The following FHIT variants were observed in gnomAD, a reference collection of about 807,000 sequenced individuals.
The protein encoded by FHIT is fragile histidine triad diadenosine triphosphatase.
Under a neutral mutation model 17.9 loss-of-function variants are expected in FHIT, and 19 were observed. The ratio of observed to expected loss-of-function variants is 1.06; its 90% confidence interval spans 0.74 to 1.56. The LOEUF (loss-of-function observed/expected upper bound fraction) is 1.56, where lower values mean the gene tolerates loss of function less well. FHIT is among the 40% of genes most tolerant of loss of function. FHIT has a pLI of 0.00. For missense variants in FHIT, 248 were observed against 189.2 expected, an observed-to-expected ratio of 1.31 and a Z score of -1.82; for synonymous variants, 81 against 69.7, an observed-to-expected ratio of 1.16 and a Z score of -0.81.
At chr3:60,451,236 C>T (rs947715580) in intron 5 of FHIT, among the ~76,000 whole-genome samples, 9 of 152,010 alleles carry the variant, frequency 5.9e-5, no homozygotes, top group Non-Finnish European at 5.9e-5. Context: ...GTTCAGAAAT[C>T]TTTACCCTTT....
chr3:60,254,335 A>T (rs1705873667), intron 5 of FHIT, among the ~76,000 whole-genome samples: 1 of 152,160 alleles, frequency 6.6e-6, no homozygotes, highest in African/African-American at 2.4e-5. Context: ...ATAACTCCAT[A>T]TTTTATCTAA....
At chr3:60,332,105 C>A (rs939220894) in intron 5 of FHIT, among the ~76,000 whole-genome samples, 1 of 152,144 alleles carries the variant, frequency 6.6e-6, no homozygotes, top group Non-Finnish European at 1.5e-5. Flanking sequence ...ATACTAGGTA[C>A]TGTCCTTAGC....
chr3:60,821,227 C>T (rs536978408), intron 4 of FHIT, among the ~76,000 whole-genome samples: 6 of 152,104 alleles, frequency 3.9e-5, no homozygotes, highest in African/African-American at 1.2e-4. Flanking sequence ...CCACCTACCT[C>T]GGCCTCCCAA....
rs1468852175 is a variant in FHIT, at chr3:60,215,361, C to A, written c.104-201209G>T. ...AGGCATGGTGGTGCACACCTGTAAT[C>A]CCAGCTACTAGGGAGGCTGAGGCAG... On this transcript the variant is annotated intron_variant, in intron 5 of 9. Transcript: ENST00000492590. 5.3e-5 allele frequency among the ~76,000 whole-genome samples: 8 copies of A among 152,006 alleles called. No individual in the cohort carries two copies. In the South Asian group the frequency reaches 1.5e-3, roughly 28 times the overall value.
Position 60,999,299 on chromosome 3 carries a change from A to T in FHIT, c.-111+42748T>A, listed in dbSNP as rs564384527. On this transcript the variant is annotated intron_variant, in intron 3 of 9. Transcript: ENST00000492590. ...TTTGAGTAAACTTTCTGAAACAATAATCTACAAAACCAGCTGTGTTTGGTG... is the reference window on the plus strand; with the variant it reads ...TTTGAGTAAACTTTCTGAAACAATATTCTACAAAACCAGCTGTGTTTGGTG... Among the ~76,000 whole-genome samples the T allele has an allele frequency of 3.9e-5, 6 of 152,174 alleles. No individual in the cohort carries two copies. In the South Asian group the frequency reaches 1.2e-3, roughly 32 times the overall value.
chr3:59,766,812 C>T (rs937886423), intron 8 of FHIT, among the ~76,000 whole-genome samples: 2 of 152,118 alleles, frequency 1.3e-5, no homozygotes, highest in East Asian at 1.9e-4. Flanking sequence ...ACAGACAAGA[C>T]GTTGAAAGAA....
chr3:59,911,343 G>A (rs1274667172), intron 8 of FHIT, among the ~76,000 whole-genome samples: 1 of 152,158 alleles, frequency 6.6e-6, no homozygotes, highest in Admixed American at 6.5e-5. Context: ...TTTGAACGTA[G>A]AGGGGATGAC....
chr3:60,806,602 T>C (rs564418721), intron 4 of FHIT, among the ~76,000 whole-genome samples: 2 of 152,344 alleles, frequency 1.3e-5, no homozygotes, highest in South Asian at 4.1e-4. Flanking sequence ...CCATGGTATT[T>C]GTTCATATCT....
intron 4 of FHIT, chr3:60,596,236 G>C (rs1275251286): frequency 6.2e-6 from 1 of 161,424 alleles, no homozygotes; most frequent in African/African-American, 2.4e-5. Flanking sequence ...TACAGTGTTG[G>C]CTTCTTCCCT....
intron 5 of FHIT, among the ~76,000 whole-genome samples, chr3:60,264,401 T>A (rs149040630): frequency 3.8e-4 from 57 of 151,828 alleles, no homozygotes; most frequent in South Asian, 1.0e-3. Context: ...GACCAGTAGC[T>A]AGAAAAGCTA....
chr3:60,856,678 GCTTC>G (rs1703401379), intron 3 of FHIT: 2 of 152,064 alleles, frequency 1.3e-5, no homozygotes, highest in Admixed American at 6.6e-5. Context: ...GCTCACTACT[GCTTC>G]CATGATAAGA....
intron 8 of FHIT, among the ~76,000 whole-genome samples, chr3:59,758,954 A>G (rs1701361712): frequency 6.6e-6 from 1 of 152,060 alleles, no homozygotes; most frequent in Admixed American, 6.6e-5. Context: ...TCATGGATGC[A>G]TGGGAGTCAA....
chr3:60,370,003 G>C (rs76771707), intron 5 of FHIT, among the ~76,000 whole-genome samples: 1 of 152,278 alleles, frequency 6.6e-6, no homozygotes, highest in South Asian at 2.1e-4. Flanking sequence ...AAAGATATTT[G>C]TAACATATCT....
At chr3:60,313,706 T>TC (rs1709046060) in intron 5 of FHIT, among the ~76,000 whole-genome samples, 1 of 142,442 alleles carries the variant, frequency 7.0e-6, no homozygotes, top group East Asian at 2.1e-4. Flanking sequence ...CTTTCAGGCT[T>TC]CCCGGGGGGA....
chr3:60,059,969 G>C (rs1702234252), intron 5 of FHIT, among the ~76,000 whole-genome samples: 1 of 152,132 alleles, frequency 6.6e-6, no homozygotes, highest in African/African-American at 2.4e-5. Flanking sequence ...CATTAACCGT[G>C]CTCCATGAGT....
intron 4 of FHIT, among the ~76,000 whole-genome samples, chr3:60,725,657 G>T (rs1034472105): frequency 1.3e-5 from 2 of 152,000 alleles, no homozygotes; most frequent in Non-Finnish European, 2.9e-5. Context: ...TTTTGCAATT[G>T]GTGTTCTTTT....
chr3:59,851,779 G>C (rs903259926), intron 8 of FHIT, among the ~76,000 whole-genome samples: 4 of 152,158 alleles, frequency 2.6e-5, no homozygotes, highest in Non-Finnish European at 4.4e-5. Flanking sequence ...TATTATGTTA[G>C]TTTCTTCTTG....
chr3:61,211,836 A>G (rs1383989960), intron 1 of FHIT, among the ~76,000 whole-genome samples: 2 of 152,238 alleles, frequency 1.3e-5, no homozygotes, highest in East Asian at 3.8e-4. Context: ...AGACAGCAGC[A>G]TTCGCGGTTC....
chr3:60,080,377 A>G (rs564130282), intron 5 of FHIT, among the ~76,000 whole-genome samples: 20 of 152,296 alleles, frequency 1.3e-4, no homozygotes, highest in Admixed American at 3.9e-4. Context: ...TCAAATCAGG[A>G]GTCTAGCCAT....
Sources: allele counts gnomAD v4.1 joint callset (sites outside exome capture counted in the v4.1 genomes callset), GRCh38; gene constraint gnomAD v4.1.1; transcripts MANE v1.5; gene names NCBI Gene and HGNC (gene_info 2026-07-23, HGNC 2026-07-21).